The following CCNL2 variants were observed in gnomAD, a reference collection of about 807,000 sequenced individuals.
The protein encoded by CCNL2 is cyclin-L2.
Under a neutral mutation model 59.1 loss-of-function variants are expected in CCNL2, and 28 were observed. The observed-to-expected ratio is 0.47, with a 90% CI of 0.35 to 0.65. CCNL2 has a LOEUF of 0.65. Among genes scored for constraint, CCNL2 ranks in the 30% least tolerant of loss-of-function variants. The pLI is 0.00. For synonymous variants in CCNL2, 342 were observed against 288.6 expected, an observed-to-expected ratio of 1.19 and a Z score of -1.88; for missense variants, 714 against 717.4, an observed-to-expected ratio of 1.00 and a Z score of 0.05.
chr1:1,393,270 G>A, intron 5 of CCNL2, 126 bp downstream of exon 5: 1 of 764,424 alleles, frequency 1.3e-6, no homozygotes, highest in South Asian at 1.5e-5. Context: ...CAGGAGCACT[G>A]GGCACTCGGA....
intron 5 of CCNL2, 83 bp downstream of exon 5, chr1:1,393,313 C>T: frequency 8.9e-7 from 1 of 1,119,156 alleles, no homozygotes; most frequent in East Asian, 2.4e-5. Context: ...CACTGGGCTG[C>T]CTACCCACTG....
chr1:1,385,982 C>G lies in CCNL2; in HGVS notation c.*1249G>C, dbSNP rs564521296. The G allele has an allele frequency of 6.6e-6, 1 of 152,340 alleles. No individual in the cohort carries two copies. The highest frequency in any genetic ancestry group is 1.9e-4 in the East Asian group (1 of 5,178). The allele number at this position is 152,340 out of a possible 1,614,324, so 9.4% of individuals were successfully genotyped here. ...CAAAAAAGTCATCAGGCGTAACTCC[C>G]CGTTATCCCACTAGCCCCGGCCTAT... On this transcript the variant is annotated 3_prime_UTR_variant, in exon 11 of 11. Coordinates refer to ENST00000400809, the MANE Select transcript of CCNL2 (RefSeq NM_030937.6).
At chr1:1,388,105 A>G in intron 8 of CCNL2, 40 bp from the exon 9 acceptor site, 1 of 1,502,980 alleles carries the variant, frequency 6.7e-7, no homozygotes. Flanking sequence ...ACCACAAAAC[A>G]CTCTCCCAAT....
chr1:1,393,786 T>G (rs1644869443), intron 4 of CCNL2, among the ~76,000 whole-genome samples: 2 of 152,190 alleles, frequency 1.3e-5, no homozygotes, highest in African/African-American at 4.8e-5. Context: ...GTATCCCAGT[T>G]AACAACTCAC....
intron 2 of CCNL2, 54 bp from the exon 3 acceptor site, chr1:1,398,396 G>C (rs868619008): frequency 1.4e-5 from 23 of 1,611,564 alleles, no homozygotes; most frequent in Admixed American, 3.4e-5. Context: ...ACGGCGTCCT[G>C]ACGGCCGCCA....
At chr1:1,388,836 G>C in intron 8 of CCNL2, 1 of 386,592 alleles carries the variant, frequency 2.6e-6, no homozygotes, top group East Asian at 7.7e-5. Context: ...AGCACTTTGG[G>C]AGGCCAAGGC....
In CCNL2 at chr1:1,395,625, A is replaced by G. The variant is rs946807052; in HGVS notation, c.474-111T>C. 1.2e-5 allele frequency: 17 copies of G among 1,442,036 alleles called. No homozygotes were observed. The Admixed American group carries it at 3.1e-4, about 26-fold the overall frequency. The allele number at this position is 1,442,036 out of a possible 1,614,324, so 89.3% of individuals were successfully genotyped here. The stretch of plus-strand genomic sequence containing the variant: ...CCTAACACAAACCCCACAACACAAC[A>G]TCGCTATGAAGTCCACATCCTCTGA... On this transcript the variant is annotated intron_variant, in intron 3 of 10. Coordinates refer to ENST00000400809, the MANE Select transcript of CCNL2 (RefSeq NM_030937.6).
In CCNL2 at chr1:1,387,160, G is replaced by A. The variant is rs997993426; in HGVS notation, c.*71C>T. On this transcript the variant is annotated 3_prime_UTR_variant, in exon 11 of 11. Transcript: ENST00000400809. The stretch of plus-strand genomic sequence containing the variant: ...ACCCGGGGGTCAAAGGGCAGCCACC[G>A]GGGGTCAAAGGGCAGCCATCAGGTA... 2.2e-5 allele frequency: 29 copies of A among 1,299,022 alleles called. No homozygotes were observed. In the African/African-American group the frequency reaches 2.5e-4, roughly 11 times the overall value. The allele number at this position is 1,299,022 out of a possible 1,614,324, so 80.5% of individuals were successfully genotyped here.
Position 1,387,200 on chromosome 1 carries a change from G to A in CCNL2, c.*31C>T. On this transcript the variant is annotated 3_prime_UTR_variant, in exon 11 of 11. Transcript: ENST00000400809. ...GCCATCAGGTACTCCCCAGGGAAGG[G>A]CTTGCGGCCACCAGTCACTGCAACC... 6.4e-7 allele frequency: 1 copy of A among 1,565,818 alleles called. No homozygotes were observed. The highest frequency in any genetic ancestry group is 1.1e-5 in the South Asian group (1 of 88,008).
Position 1,387,940 on chromosome 1 carries a change from C to T in CCNL2, c.1118+14G>A, listed in dbSNP as rs941129285. On this transcript the variant is annotated intron_variant, in intron 9 of 10. Coordinates refer to ENST00000400809, the MANE Select transcript of CCNL2 (RefSeq NM_030937.6). ...CCAACCCTGACAGCCACCTGGGCAGCCCTGGGGTCCTACCCGTTCACGGGG... is the reference window on the plus strand; with the variant it reads ...CCAACCCTGACAGCCACCTGGGCAGTCCTGGGGTCCTACCCGTTCACGGGG... 1 of 1,613,112 alleles carries T rather than the reference C, an allele frequency of 6.2e-7. No individual in the cohort carries two copies. Among genetic ancestry groups the T allele is most frequent in the Non-Finnish European group, 8.5e-7 (1 of 1,179,204 alleles).
At chr1:1,392,493 T>C (rs1461282731) in intron 5 of CCNL2, 1 of 1,266,656 alleles carries the variant, frequency 7.9e-7, no homozygotes, top group Non-Finnish European at 9.9e-7. Context: ...CATAGCATTT[T>C]TTTTTAAGAG....
chr1:1,387,737 C>G (rs1233352385), intron 10 of CCNL2, 40 bp downstream of exon 10: 1 of 1,546,752 alleles, frequency 6.5e-7, no homozygotes, highest in South Asian at 1.2e-5. Flanking sequence ...GACAGCCCCA[C>G]CCCGGTATCG....
At chr1:1,398,155 T>A (rs954095661) in intron 3 of CCNL2, 78 bp downstream of exon 3, 2 of 1,393,664 alleles carry the variant, frequency 1.4e-6, no homozygotes, top group Admixed American at 1.7e-5. Flanking sequence ...TATTGTGTTA[T>A]ACAAGCCTTA....
intron 1 of CCNL2, 101 bp from the exon 2 acceptor site, chr1:1,398,772 A>C (rs567853168): frequency 7.9e-7 from 1 of 1,263,406 alleles, no homozygotes; most frequent in Admixed American, 1.9e-5. Context: ...AGAACCAAAC[A>C]CTGAAACGCT....
At chr1:1,397,622 G>A (rs958944443) in intron 3 of CCNL2, among the ~76,000 whole-genome samples, 2 of 152,166 alleles carry the variant, frequency 1.3e-5, no homozygotes, top group Non-Finnish European at 2.9e-5. Flanking sequence ...AGTGCTTTGG[G>A]AGGCTAAGGC....
chr1:1,398,290 C>T lies in CCNL2; in HGVS notation c.416G>A (p.Arg139Lys), dbSNP rs776687976. Residue 139 changes from arginine (R) to lysine (K), a missense_variant, in exon 3 of 11, where the codon AGA becomes AAA. Arg to Lys is a conservative substitution (Grantham distance 26). Around this residue, in one of 5 missense-constraint regions of CCNL2, gnomAD observed 270 missense variants for 254.9 expected, o/e 1.06. Transcript: ENST00000400809. ...HLASKIEEAP[R>K]RIRDVINVFH... ...CACATTGATGACGTCCCGTATGCGT[C>T]TTGGGGCCTCTTCTATCTTGGAAGC... is the stretch of plus-strand genomic sequence containing the variant. The T allele has an allele frequency of 3.7e-6, 6 of 1,614,234 alleles. No individual in the cohort carries two copies. Among genetic ancestry groups the T allele is most frequent in the South Asian group, 3.3e-5 (3 of 91,088 alleles).
chr1:1,394,947 C>G (rs1196084490), intron 4 of CCNL2, among the ~76,000 whole-genome samples: 1 of 151,998 alleles, frequency 6.6e-6, no homozygotes, highest in African/African-American at 2.4e-5. Flanking sequence ...GTGCCAGCTA[C>G]TCAGGAGGCT....
intron 5 of CCNL2, 54 bp downstream of exon 5, chr1:1,393,342 A>G: frequency 1.3e-6 from 2 of 1,513,500 alleles, no homozygotes; most frequent in Non-Finnish European, 1.8e-6. Flanking sequence ...CCTCAAGTCA[A>G]CACATTCCTG....
In CCNL2 at chr1:1,398,434, G is replaced by A. The variant is rs1217741153; in HGVS notation, c.364-92C>T. 19 of 1,589,340 alleles carry A rather than the reference G, an allele frequency of 1.2e-5. No homozygotes were observed. The African/African-American group carries it at 1.6e-4, about 14-fold the overall frequency. On this transcript the variant is annotated intron_variant, in intron 2 of 10. Coordinates refer to ENST00000400809, the MANE Select transcript of CCNL2 (RefSeq NM_030937.6). ...GGCTTGAGGGCTATTCAGACCAAAAGGGAGGTGCACCCAGGGGAAAAAAAA... is the reference window on the plus strand; with the variant it reads ...GGCTTGAGGGCTATTCAGACCAAAAAGGAGGTGCACCCAGGGGAAAAAAAA...
Sources: gnomAD v4.1 joint callset for allele counts (sites outside exome capture counted in the v4.1 genomes callset) on GRCh38, gnomAD v4.1.1 for gene constraint, gnomAD v4.1.1 regional missense constraint, MANE v1.5 for transcripts, NCBI Gene and HGNC (gene_info 2026-07-23, HGNC 2026-07-21) for gene names.